Variants in ROBO2 observed in about 807,000 individuals in gnomAD.
ROBO2 encodes roundabout guidance receptor 2, also known as roundabout homolog 2.
Under a neutral mutation model 160.8 loss-of-function variants are expected in ROBO2, and 53 were observed. The observed-to-expected ratio is 0.33, with a 90% confidence interval of 0.26 to 0.41. The LOEUF (loss-of-function observed/expected upper bound fraction) is 0.41, where lower values mean the gene tolerates loss of function less well. Among genes scored for constraint, ROBO2 ranks in the 10% least tolerant of loss-of-function variants. ROBO2 has a pLI of 1.00. For synonymous variants in ROBO2, 664 were observed against 611.7 expected (o/e 1.09, Z -1.26); for missense variants, 1,577 against 1,722.4 (o/e 0.92, Z 1.49).
intron 19 of ROBO2, among the ~76,000 whole-genome samples, chr3:77,601,470 G>A (rs2094428782): frequency 6.6e-6 from 1 of 152,056 alleles, no homozygotes; most frequent in Non-Finnish European, 1.5e-5. Flanking sequence ...ATGAAAAATG[G>A]ACTGATTGAT....
intron 2 of ROBO2, among the ~76,000 whole-genome samples, chr3:76,648,923 CATCTT>C (rs1465432726): frequency 6.6e-6 from 1 of 152,008 alleles, no homozygotes; most frequent in Non-Finnish European, 1.5e-5. Flanking sequence ...TCACTAATCT[CATCTT>C]AGTCACAAAA....
chr3:76,913,413 T>C (rs2076111790), intron 2 of ROBO2, among the ~76,000 whole-genome samples: 1 of 152,210 alleles, frequency 6.6e-6, no homozygotes, highest in Non-Finnish European at 1.5e-5. Context: ...TCTGGATCTG[T>C]TATTTAGCAT....
chr3:76,867,262 A>G (rs2071481103), intron 2 of ROBO2, among the ~76,000 whole-genome samples: 1 of 152,166 alleles, frequency 6.6e-6, no homozygotes. Context: ...GTCATAAAGC[A>G]TTCGTTTATT....
intron 1 of ROBO2, among the ~76,000 whole-genome samples, chr3:77,044,653 A>T (rs1228537829): frequency 7.2e-5 from 11 of 152,172 alleles, no homozygotes; most frequent in Non-Finnish European, 1.2e-4. Flanking sequence ...CTGCATTTAA[A>T]GGAAAAATGT....
At chr3:76,481,966 C>T (rs1380989192) in intron 2 of ROBO2, among the ~76,000 whole-genome samples, 1 of 152,060 alleles carries the variant, frequency 6.6e-6, no homozygotes, top group Non-Finnish European at 1.5e-5. Context: ...TGTCAGGATG[C>T]CTCAGGATGT....
chr3:76,389,686 C>T (rs1271910290), intron 2 of ROBO2, among the ~76,000 whole-genome samples: 1 of 152,140 alleles, frequency 6.6e-6, no homozygotes, highest in African/African-American at 2.4e-5. Flanking sequence ...TAAGACAAGG[C>T]TGTTTTCAAA....
chr3:76,167,566 T>C (rs1189084380), intron 2 of ROBO2, among the ~76,000 whole-genome samples: 1 of 152,184 alleles, frequency 6.6e-6, no homozygotes, highest in African/African-American at 2.4e-5. Context: ...CTGCCCTTCC[T>C]CTAATTTGAA....
chr3:77,395,552 G>A (rs191311446), intron 2 of ROBO2, among the ~76,000 whole-genome samples: 62 of 152,142 alleles, frequency 4.1e-4, no homozygotes, highest in East Asian at 2.1e-3. Context: ...TGGATTAATC[G>A]AATGCCCAAG....
intron 2 of ROBO2, among the ~76,000 whole-genome samples, chr3:77,029,274 C>T (rs2063166917): frequency 6.6e-6 from 1 of 152,018 alleles, no homozygotes; most frequent in Admixed American, 6.6e-5. Flanking sequence ...AAAAAGTTCC[C>T]AAGATAGATC....
chr3:77,166,261 AT>A (rs2079062035), intron 2 of ROBO2, among the ~76,000 whole-genome samples: 1 of 152,068 alleles, frequency 6.6e-6, no homozygotes, highest in Admixed American at 6.5e-5. Flanking sequence ...CTGTCTCAAA[AT>A]TTAAAAAAAA....
intron 2 of ROBO2, among the ~76,000 whole-genome samples, chr3:77,278,098 T>A (rs2060011191): frequency 6.6e-6 from 1 of 152,184 alleles, no homozygotes; most frequent in African/African-American, 2.4e-5. Flanking sequence ...TGGGAAAAGA[T>A]GAGAATAAGC....
intron 2 of ROBO2, among the ~76,000 whole-genome samples, chr3:77,295,760 C>A (rs1199060214): frequency 6.8e-6 from 1 of 147,216 alleles, no homozygotes; most frequent in East Asian, 2.1e-4. Context: ...GGCTAGATCA[C>A]CCCAGACATA....
intron 2 of ROBO2, among the ~76,000 whole-genome samples, chr3:77,332,356 G>A (rs574793169): frequency 1.8e-4 from 27 of 152,260 alleles, no homozygotes; most frequent in East Asian, 1.4e-3. Flanking sequence ...GCTGGTGTTC[G>A]TGTGTCTTCA....
At chr3:76,187,451 G>GC (rs1559623558) in intron 2 of ROBO2, among the ~76,000 whole-genome samples, 1 of 151,530 alleles carries the variant, frequency 6.6e-6, no homozygotes. Context: ...ATTTTTTAAT[G>GC]TTTTTTAGAA....
chr3:76,752,173 T>C (rs2060700324), intron 2 of ROBO2, among the ~76,000 whole-genome samples: 1 of 151,728 alleles, frequency 6.6e-6, no homozygotes, highest in African/African-American at 2.4e-5. Flanking sequence ...ACCATCATTC[T>C]GAACTATCGC....
At chr3:76,030,476 C>A (rs62267218) in intron 2 of ROBO2, among the ~76,000 whole-genome samples, 5,679 of 151,970 alleles carry the variant, frequency 0.037, 337 homozygotes, top group African/African-American at 0.12. Flanking sequence ...CCCAGGTTTT[C>A]TTCTATGGTT....
chr3:76,362,729 A>T (rs188945367), intron 2 of ROBO2, among the ~76,000 whole-genome samples: 5 of 152,196 alleles, frequency 3.3e-5, no homozygotes, highest in South Asian at 2.1e-4. Flanking sequence ...TCCTTGAAAT[A>T]GTATGTCCTA....
At chr3:77,389,752 CT>C (rs200190395) in intron 2 of ROBO2, among the ~76,000 whole-genome samples, 2 of 150,348 alleles carry the variant, frequency 1.3e-5, no homozygotes, top group African/African-American at 2.5e-5. Context: ...AGTTCATTAA[CT>C]TTTTTTTAAA....
At chr3:76,380,882 C>T (rs1319232916) in intron 2 of ROBO2, among the ~76,000 whole-genome samples, 2 of 151,986 alleles carry the variant, frequency 1.3e-5, no homozygotes, top group Non-Finnish European at 1.5e-5. Context: ...ATGACCATTT[C>T]CATCATGATA....
Sources: gnomAD v4.1 joint callset for allele counts (sites outside exome capture counted in the v4.1 genomes callset) on GRCh38, gnomAD v4.1.1 for gene constraint, MANE v1.5 for transcripts, NCBI Gene and HGNC (gene_info 2026-07-23, HGNC 2026-07-21) for gene names.